The following RAC2 variants were observed in gnomAD, a reference collection of about 807,000 sequenced individuals.
RAC2 encodes the protein ras-related C3 botulinum toxin substrate 2.
A neutral mutation model predicts 24.0 loss-of-function variants in RAC2; 1 was observed. The observed-to-expected ratio is 0.04, with a 90% CI of 0.01 to 0.20. The LOEUF is 0.20. Ranked by LOEUF, RAC2 falls within the 10% of genes least tolerant of loss-of-function variation. The pLI is 1.00. For synonymous variants in RAC2, 114 were observed against 106.8 expected (o/e 1.07, Z -0.41); for missense variants, 130 against 259.1 (o/e 0.50, Z 3.42).
chr22:37,231,410 GA>G lies in RAC2; in HGVS notation c.289-21del. 6.2e-7 allele frequency: 1 copy of G among 1,613,542 alleles called. No homozygotes were observed. The highest frequency in any genetic ancestry group is 1.1e-5 in the South Asian group (1 of 91,066). Reference sequence around the variant, plus strand: ...GAACCACTGGGCAGGTGGGTGGGGGGACACAAGGTTGTATGGGTCAAGAGGG... The same window carrying G: ...GAACCACTGGGCAGGTGGGTGGGGGGCACAAGGTTGTATGGGTCAAGAGGG... On this transcript the variant is annotated intron_variant, in intron 4 of 6. Transcript: ENST00000249071. The surrounding 1 kb of genome is among the most constrained non-coding windows in gnomAD (Gnocchi z 5.5).
At chr22:37,226,441 G>C (rs141906683) in intron 6 of RAC2, among the ~76,000 whole-genome samples, 1 of 152,046 alleles carries the variant, frequency 6.6e-6, no homozygotes, top group South Asian at 2.1e-4. Context: ...GCCCGGGGGT[G>C]GGGGGTTACC....
At chr22:37,244,015 T>C (rs1276649563) in intron 1 of RAC2, 99 bp downstream of exon 1, 4 of 1,516,598 alleles carry the variant, frequency 2.6e-6, no homozygotes, top group Non-Finnish European at 3.7e-6. Flanking sequence ...CAGGGACGCC[T>C]AGTTCTGCAG....
Position 37,241,575 on chromosome 22 carries a change from C to A in RAC2, c.107+12G>T. ...CCTCCTCCCACCACCCCACATATCC[C>A]CAGGAACTCACACGGTGGGGATGTA... On this transcript the variant is annotated intron_variant, in intron 2 of 6. Transcript: ENST00000249071. The A allele has an allele frequency of 6.2e-7, 1 of 1,610,112 alleles. No homozygotes were observed. The highest frequency in any genetic ancestry group is 8.5e-7 in the Non-Finnish European group (1 of 1,176,376).
chr22:37,227,726 C>T (rs1926928161), intron 5 of RAC2, among the ~76,000 whole-genome samples: 1 of 137,820 alleles, frequency 7.3e-6, no homozygotes, highest in South Asian at 2.5e-4. Flanking sequence ...TACAACTGAA[C>T]ACCAGGCTCT....
At chr22:37,235,701 T>C (rs1927203160) in intron 2 of RAC2, among the ~76,000 whole-genome samples, 1 of 152,234 alleles carries the variant, frequency 6.6e-6, no homozygotes, top group African/African-American at 2.4e-5. Context: ...AAGCCACACC[T>C]GTGTTGTTTT....
Position 37,231,367 on chromosome 22 carries a change from G to A in RAC2, c.312C>T (p.His104=), listed in dbSNP as rs1476843927. ...RAKWFPEVRH[H]CPSTPIILVG... ...CCAGGATGATGGGTGTGCTGGGGCA[G>A]TGGTGCCGCACTTCTGGGAACCACT... The change falls in exon 5 of 7, where the codon CAC becomes CAT. Residue 104 remains histidine, a synonymous_variant. Transcript: ENST00000249071. The surrounding 1 kb of genome is among the most constrained non-coding windows in gnomAD (Gnocchi z 5.5). 6.2e-7 allele frequency: 1 copy of A among 1,614,036 alleles called. No individual in the cohort carries two copies. The highest frequency in any genetic ancestry group is 2.2e-5 in the East Asian group (1 of 44,880).
chr22:37,231,867 T>C lies in RAC2; in HGVS notation c.288+65A>G. The C allele has an allele frequency of 6.6e-7, 1 of 1,518,332 alleles. No homozygotes were observed. Among genetic ancestry groups the C allele is most frequent in the South Asian group, 1.2e-5 (1 of 83,390 alleles). 94.1% of individuals were successfully genotyped at this position (1,518,332 alleles called of 1,614,324 possible). ...CCAGGGACCAGCCTAGAGTCACCAG[T>C]TCCTCCCTCTGTCCCTCAGGGTTAC... is the stretch of plus-strand genomic sequence containing the variant. On this transcript the variant is annotated intron_variant, in intron 4 of 6. Coordinates refer to ENST00000249071, the MANE Select transcript of RAC2 (RefSeq NM_002872.5). The surrounding 1 kb of genome is among the most constrained non-coding windows in gnomAD (Gnocchi z 5.5).
chr22:37,241,693 T>C (rs1158279005), intron 1 of RAC2, 35 bp from the exon 2 acceptor site: 4 of 1,585,720 alleles, frequency 2.5e-6, no homozygotes, highest in South Asian at 2.2e-5. Flanking sequence ...GCGGCGGTCA[T>C]GGGCTCTGCC....
At position 37,232,009 on chromosome 22, in the gene RAC2, A is replaced by G. The variant is rs1000665491; in HGVS notation, c.226-15T>C. 5.9e-6 allele frequency: 9 copies of G among 1,520,786 alleles called. No homozygotes were observed. In the African/African-American group the frequency reaches 1.5e-4, roughly 26 times the overall value. The allele number at this position is 1,520,786 out of a possible 1,614,324, so 94.2% of individuals were successfully genotyped here. A position where few individuals can be genotyped will look rare whatever the true frequency, so the allele number is the denominator to read the frequency against. ...AGGAAGACGTCCTGGGGACAGAGCA[A>G]GCGAGGTTGCTAGTGAGGAGGGCCC... On this transcript the variant is annotated splice_polypyrimidine_tract_variant and intron_variant, in intron 3 of 6. Transcript: ENST00000249071.
At chr22:37,242,581 C>A (rs75375644) in intron 1 of RAC2, among the ~76,000 whole-genome samples, 3,058 of 152,320 alleles carry the variant, frequency 0.02, 54 homozygotes, top group Admixed American at 0.035. Context: ...TCAGAGAAGA[C>A]AGCTCATCCT....
intron 1 of RAC2, among the ~76,000 whole-genome samples, chr22:37,242,174 A>T (rs1927418319): frequency 6.6e-6 from 1 of 152,186 alleles, no homozygotes. Flanking sequence ...AGCACTGAGC[A>T]CAGGGCCTGA....
chr22:37,232,517 T>C, intron 3 of RAC2: 7 of 500,364 alleles, frequency 1.4e-5, no homozygotes, highest in South Asian at 1.2e-4. Flanking sequence ...TGGGGCCCTG[T>C]GCAGAATCCA....
intron 2 of RAC2, among the ~76,000 whole-genome samples, chr22:37,241,340 C>T (rs1223232221): frequency 1.3e-5 from 2 of 152,212 alleles, no homozygotes; most frequent in African/African-American, 4.8e-5. Context: ...TGCTTGGAGG[C>T]CCAGCCTAAA....
chr22:37,226,881 A>G, intron 5 of RAC2, 78 bp from the exon 6 acceptor site: 1 of 1,565,360 alleles, frequency 6.4e-7, no homozygotes, highest in African/African-American at 1.4e-5. Flanking sequence ...CCTATGCCAT[A>G]CAACCCCTTC....
At chr22:37,241,894 A>C (rs1204397697) in intron 1 of RAC2, among the ~76,000 whole-genome samples, 1 of 152,186 alleles carries the variant, frequency 6.6e-6, no homozygotes, top group Non-Finnish European at 1.5e-5. Flanking sequence ...TCTGATCCAC[A>C]GGTGTGCGCA....
At chr22:37,237,717 G>T in intron 2 of RAC2, among the ~76,000 whole-genome samples, 1 of 152,078 alleles carries the variant, frequency 6.6e-6, no homozygotes, top group South Asian at 2.1e-4. Flanking sequence ...TCCTCCCCGG[G>T]GTCGGGGAGG....
chr22:37,231,642 A>T lies in RAC2; in HGVS notation c.289-252T>A. On this transcript the variant is annotated intron_variant, in intron 4 of 6. Transcript: ENST00000249071. The surrounding 1 kb of genome is among the most constrained non-coding windows in gnomAD (Gnocchi z 5.5). ...AGGCGAGGTTTTGTGCAGACATAAG[A>T]AGCAAACATGAGGTTATGTGACAAT... 1 of 604,690 alleles carries T rather than the reference A, an allele frequency of 1.7e-6. No homozygotes were observed. The highest frequency in any genetic ancestry group is 2.9e-6 in the Non-Finnish European group (1 of 340,658). 37.5% of individuals were successfully genotyped at this position (604,690 alleles called of 1,614,324 possible).
At position 37,231,439 on chromosome 22, in the gene RAC2, C is replaced by T. The variant is rs576291977; in HGVS notation, c.289-49G>A. 5 of 1,576,140 alleles carry T rather than the reference C, an allele frequency of 3.2e-6. No homozygotes were observed. Among genetic ancestry groups the T allele is most frequent in the African/African-American group, 2.7e-5 (2 of 74,026 alleles). ...CAAGGTTGTATGGGTCAAGAGGGGG[C>T]GCGAGGCTGTGCGGGGATCAGAGGG... On this transcript the variant is annotated intron_variant, in intron 4 of 6. Transcript: ENST00000249071. The surrounding 1 kb of genome is among the most constrained non-coding windows in gnomAD (Gnocchi z 5.5).
chr22:37,239,705 G>T (rs1047308700), intron 2 of RAC2, among the ~76,000 whole-genome samples: 3 of 152,202 alleles, frequency 2.0e-5, no homozygotes, highest in Non-Finnish European at 2.9e-5. Flanking sequence ...CCTTCAGCAA[G>T]TGGGTCCTTC....
Sources: gnomAD v4.1 joint callset for allele counts (sites outside exome capture counted in the v4.1 genomes callset) on GRCh38, gnomAD v4.1.1 for gene constraint, Gnocchi (gnomAD v3.1) non-coding constraint, MANE v1.5 for transcripts, NCBI Gene and HGNC (gene_info 2026-07-23, HGNC 2026-07-21) for gene names.